The following POR variants were observed in gnomAD, a reference collection of about 807,000 sequenced individuals.
POR encodes the protein cytochrome p450 oxidoreductase.
POR carries 56 observed loss-of-function variants against 84.0 expected under a neutral mutation model. The ratio of observed to expected loss-of-function variants is 0.67; its 90% CI spans 0.54 to 0.83. POR has a LOEUF of 0.83. Ranked by LOEUF, POR falls within the 40% of genes least tolerant of loss-of-function variation. The pLI, the probability that POR is intolerant of heterozygous loss-of-function variation, is 0.00. For missense variants in POR, 938 were observed against 944.3 expected (o/e 0.99, Z 0.09); for synonymous variants, 414 against 400.5 (o/e 1.03, Z -0.40).
chr7:75,931,324 A>C lies in POR; in HGVS notation c.-5+16145A>C, dbSNP rs537158383. 4.1e-4 allele frequency among the ~76,000 whole-genome samples: 62 copies of C among 151,136 alleles called. 1 individual carries two copies. Among genetic ancestry groups the C allele is most frequent in the African/African-American group, 1.5e-3 (62 of 41,154 alleles). ...TGAAAGAAACCAGTTACAAAGGGCC[A>C]CTTATTGTGTGATTTTATTTATTTA... On this transcript the variant is annotated intron_variant, in intron 1 of 15. Coordinates refer to ENST00000461988, the MANE Select transcript of POR (RefSeq NM_000941.3).
chr7:75,939,955 G>A (rs1470119173), intron 1 of POR, among the ~76,000 whole-genome samples: 5 of 151,954 alleles, frequency 3.3e-5, no homozygotes, highest in Non-Finnish European at 5.9e-5. Context: ...TGTTGCCCAG[G>A]CTGGAGTGCA....
At chr7:75,930,153 G>T (rs969199570) in intron 1 of POR, among the ~76,000 whole-genome samples, 6 of 152,188 alleles carry the variant, frequency 3.9e-5, no homozygotes, top group Admixed American at 1.3e-4. Flanking sequence ...CCTAGCCAGG[G>T]TGCTTGGCAC....
chr7:75,984,801 TC>T lies in POR; in HGVS notation c.1094del (p.Pro365ArgfsTer56). ...GAGGAGTCCAACAAGAAGCACCCAT[TC>T]CCGTGCCCTACGTCCTACCGCACGG... On this transcript the variant is annotated frameshift_variant, in exon 11 of 16. Coordinates refer to ENST00000461988, the MANE Select transcript of POR (RefSeq NM_000941.3). LOFTEE classifies it high-confidence loss of function. 6.2e-7 allele frequency: 1 copy of T among 1,612,480 alleles called. No homozygotes were observed. Among genetic ancestry groups the T allele is most frequent in the Non-Finnish European group, 8.5e-7 (1 of 1,179,768 alleles).
chr7:75,977,080 T>G (rs1788730378), intron 3 of POR, among the ~76,000 whole-genome samples: 1 of 152,184 alleles, frequency 6.6e-6, no homozygotes, highest in Non-Finnish European at 1.5e-5. Context: ...CTCAAACTCC[T>G]GGGCTCAAGT....
At chr7:75,922,740 T>C in intron 1 of POR, 1 of 413,598 alleles carries the variant, frequency 2.4e-6, no homozygotes, top group Non-Finnish European at 4.5e-6. Flanking sequence ...GTTCAGTAGC[T>C]GCAACACTAG....
At position 75,986,436 on chromosome 7, in the gene POR, GA is replaced by G. The variant is rs782577122; in HGVS notation, c.2001del (p.Lys667AsnfsTer2). ...ACGCGCAGGCGGTGGACTACATCAA[GA>G]AACTGATGACCAAGGGCCGCTACTC... On this transcript the variant is annotated frameshift_variant, in exon 16 of 16. Coordinates refer to ENST00000461988, the MANE Select transcript of POR (RefSeq NM_000941.3). LOFTEE classifies it high-confidence loss of function. The G allele has an allele frequency of 6.2e-7, 1 of 1,612,326 alleles. No homozygotes were observed. The highest frequency in any genetic ancestry group is 8.5e-7 in the Non-Finnish European group (1 of 1,179,850).
Position 75,981,999 on chromosome 7 carries a change from C to T in POR, c.732-225C>T, listed in dbSNP as rs537040303. 8.6e-6 allele frequency: 5 copies of T among 582,676 alleles called. No individual in the cohort carries two copies. The East Asian group carries it at 1.4e-4, about 17-fold the overall frequency. The allele number at this position is 582,676 out of a possible 1,614,324, so 36.1% of individuals were successfully genotyped here. ...CAGATGGAAGCCTGCCCAGCCCTGC[C>T]CCGGCTTCTGGGCGTCTGGCCCCCG... On this transcript the variant is annotated intron_variant, in intron 7 of 15. Coordinates refer to ENST00000461988, the MANE Select transcript of POR (RefSeq NM_000941.3).
At chr7:75,985,551 G>A (rs1384420169) in intron 12 of POR, 28 bp from the exon 13 acceptor site, 27 of 1,503,532 alleles carry the variant, frequency 1.8e-5, no homozygotes, top group South Asian at 1.2e-4. Flanking sequence ...TCGGTGTGGC[G>A]GTGGAGCTCA....
Position 75,954,291 on chromosome 7 carries a change from TG to T in POR, c.188+115del, listed in dbSNP as rs1382440412. On this transcript the variant is annotated intron_variant, in intron 2 of 15. Transcript: ENST00000461988. The stretch of plus-strand genomic sequence containing the variant: ...AGAAGCAAGGCTCCTTGTAGCATTT[TG>T]GGGTGACTCTTGGGTTTTGCCTTCT... 20 of 1,164,852 alleles carry T rather than the reference TG, an allele frequency of 1.7e-5. No individual in the cohort carries two copies. The African/African-American group carries it at 2.8e-4, about 16-fold the overall frequency. The allele number at this position is 1,164,852 out of a possible 1,614,324, so 72.2% of individuals were successfully genotyped here.
intron 1 of POR, among the ~76,000 whole-genome samples, chr7:75,937,201 A>G (rs915029617): frequency 2.7e-5 from 4 of 150,724 alleles, no homozygotes; most frequent in African/African-American, 9.8e-5. Flanking sequence ...CATGCCTGCA[A>G]TCCCAGCACT....
At chr7:75,967,045 C>A (rs1222808616) in intron 2 of POR, among the ~76,000 whole-genome samples, 1 of 152,196 alleles carries the variant, frequency 6.6e-6, no homozygotes, top group East Asian at 1.9e-4. Flanking sequence ...TCTTGGCTCA[C>A]TGCAACCTTC....
At chr7:75,974,016 A>G (rs1788561014) in intron 3 of POR, among the ~76,000 whole-genome samples, 1 of 152,018 alleles carries the variant, frequency 6.6e-6, no homozygotes, top group South Asian at 2.1e-4. Context: ...AAACAACTTG[A>G]TATGTCTCAA....
rs1554557729 is a variant in POR at position 75,981,038 on chromosome 7, G to T, written c.517-10G>T. ...GGCCAGGCCTCAGAGCGGCCCCTGT[G>T]TCCACGCAGGTGTTTGGTCTTGGGA... On this transcript the variant is annotated splice_polypyrimidine_tract_variant and intron_variant, in intron 5 of 15. Transcript: ENST00000461988. The T allele has an allele frequency of 1.3e-6, 2 of 1,564,512 alleles. No individual in the cohort carries two copies. The highest frequency in any genetic ancestry group is 3.7e-5 in the Admixed American group (2 of 54,280).
At chr7:75,934,807 G>T (rs187938652) in intron 1 of POR, among the ~76,000 whole-genome samples, 1 of 152,230 alleles carries the variant, frequency 6.6e-6, no homozygotes, top group Non-Finnish European at 1.5e-5. Context: ...AGCCTTGGCC[G>T]CTTCAATGTG....
chr7:75,960,453 C>T (rs1470913232), intron 2 of POR, among the ~76,000 whole-genome samples: 6 of 152,080 alleles, frequency 3.9e-5, no homozygotes, highest in Admixed American at 1.3e-4. Context: ...GCTGGGGTGA[C>T]GGGCACATGC....
At chr7:75,918,254 C>G (rs61455742) in intron 1 of POR, among the ~76,000 whole-genome samples, 1 of 151,940 alleles carries the variant, frequency 6.6e-6, no homozygotes, top group Non-Finnish European at 1.5e-5. Context: ...TGCAGTGAGC[C>G]GAGATCGTGC....
At chr7:75,921,829 C>T (rs1384527708) in intron 1 of POR, among the ~76,000 whole-genome samples, 5 of 152,054 alleles carry the variant, frequency 3.3e-5, no homozygotes, top group Non-Finnish European at 5.9e-5. Context: ...GCCTCAGCCT[C>T]CCGAGTAGCT....
intron 3 of POR, among the ~76,000 whole-genome samples, chr7:75,973,642 G>A (rs969571015): frequency 1.0e-4 from 15 of 143,180 alleles, no homozygotes; most frequent in South Asian, 4.4e-4. Flanking sequence ...AACACAAAAC[G>A]TGGCATACTA....
At chr7:75,947,238 C>G (rs1787212036) in intron 1 of POR, 1 of 152,158 alleles carries the variant, frequency 6.6e-6, no homozygotes, top group Non-Finnish European at 1.5e-5. Context: ...GGGATCTGTC[C>G]AGACAGGTAC....
Sources: gnomAD v4.1 joint callset for allele counts (sites outside exome capture counted in the v4.1 genomes callset) on GRCh38, gnomAD v4.1.1 for gene constraint, MANE v1.5 for transcripts, NCBI Gene and HGNC (gene_info 2026-07-23, HGNC 2026-07-21) for gene names.